The following CD8B2 variants were observed in gnomAD, a reference collection of about 807,000 sequenced individuals.
CD8B2 encodes CD8B family member 2.
Under a neutral mutation model 23.7 loss-of-function variants are expected in CD8B2, and 11 were observed. That is an observed-to-expected ratio of 0.46 (90% confidence interval 0.29 to 0.77). CD8B2 has a LOEUF of 0.77. Ranked by LOEUF, CD8B2 falls within the 30% of genes least tolerant of loss-of-function variation. The pLI, the probability that CD8B2 is intolerant of heterozygous loss-of-function variation, is 0.09. For synonymous variants in CD8B2, 90 were observed against 109.3 expected, an observed-to-expected ratio of 0.82 and a Z score of 1.10; for missense variants, 197 against 270.5, an observed-to-expected ratio of 0.73 and a Z score of 1.91.
intron 5 of CD8B2, among the ~76,000 whole-genome samples, chr2:106,529,502 G>C (rs950983946): frequency 6.6e-6 from 1 of 152,192 alleles, no homozygotes; most frequent in African/African-American, 2.4e-5. Flanking sequence ...GGATGTCTTT[G>C]ATGTCCAGAT....
Position 106,489,768 on chromosome 2 carries a change from C to CT in CD8B2, c.44-1100dup, listed in dbSNP as rs528532700. Among the ~76,000 whole-genome samples the CT allele has an allele frequency of 6.6e-5, 10 of 152,238 alleles. No homozygotes were observed. In the East Asian group the frequency reaches 1.9e-3, roughly 29 times the overall value. Reference sequence around the variant, plus strand: ...ACATGGCCATACAGTTTGCAGTGTGCTTTTTTGGACAGCATTTCATTTATT... The same window carrying CT: ...ACATGGCCATACAGTTTGCAGTGTGCTTTTTTTGGACAGCATTTCATTTATT... On this transcript the variant is annotated intron_variant, in intron 1 of 5. Transcript: ENST00000643224.
rs878867212 is a variant in CD8B2, at chr2:106,504,380, C to T, written c.620+55C>T. The T allele has an allele frequency of 1.8e-5, 28 of 1,553,512 alleles. No individual in the cohort carries two copies. In the South Asian group the frequency reaches 3.0e-4, roughly 16 times the overall value. Reference sequence around the variant, plus strand: ...GTTCCTCAGCCCCTGCTGCAGCTTGCAGCCTCTAACTGCGGCGAGGAGCCA... The same window carrying T: ...GTTCCTCAGCCCCTGCTGCAGCTTGTAGCCTCTAACTGCGGCGAGGAGCCA... On this transcript the variant is annotated intron_variant, in intron 5 of 5. Coordinates refer to ENST00000643224, the MANE Select transcript of CD8B2 (RefSeq NM_001349727.2).
Position 106,504,343 on chromosome 2 carries a change from G to T in CD8B2, c.620+18G>T, listed in dbSNP as rs1364127750. The stretch of plus-strand genomic sequence containing the variant: ...ATGAAACAGTAAGTGTATAACCTGG[G>T]TGTGGCCTTGGGTTCCTCAGCCCCT... On this transcript the variant is annotated intron_variant, in intron 5 of 5. Transcript: ENST00000643224. 17 of 1,555,774 alleles carry T rather than the reference G, an allele frequency of 1.1e-5. No homozygotes were observed. The highest frequency in any genetic ancestry group is 1.4e-5 in the Non-Finnish European group (16 of 1,149,250).
intron 2 of CD8B2, among the ~76,000 whole-genome samples, chr2:106,495,464 G>A (rs1197529244): frequency 2.6e-5 from 4 of 152,146 alleles, no homozygotes; most frequent in Admixed American, 6.5e-5. Context: ...GCTTGAACCC[G>A]GGAGGCAAAG....
intron 5 of CD8B2, among the ~76,000 whole-genome samples, chr2:106,539,330 G>A (rs764515309): frequency 6.6e-6 from 1 of 152,202 alleles, no homozygotes; most frequent in Non-Finnish European, 1.5e-5. Context: ...GGATGAATAA[G>A]TGAGTTCAAG....
downstream of CD8B2, among the ~76,000 whole-genome samples, chr2:106,513,292 C>A (rs989339247): frequency 6.6e-6 from 1 of 151,974 alleles, no homozygotes; most frequent in East Asian, 1.9e-4. Flanking sequence ...CCTAACCCCA[C>A]GGGCTTTCAT....
downstream of CD8B2, among the ~76,000 whole-genome samples, chr2:106,512,751 G>T (rs1418051101): frequency 6.6e-6 from 1 of 152,142 alleles, no homozygotes; most frequent in Non-Finnish European, 1.5e-5. Flanking sequence ...AATCCCTTAA[G>T]TTTCTTGATG....
intron 5 of CD8B2, chr2:106,522,031 G>A (rs1016480657): frequency 2.0e-5 from 3 of 152,182 alleles, no homozygotes; most frequent in Non-Finnish European, 4.4e-5. Context: ...GAAACATGAA[G>A]TCCGCAGCTG....
intron 3 of CD8B2, among the ~76,000 whole-genome samples, chr2:106,502,150 G>A (rs1679419322): frequency 6.6e-6 from 1 of 151,868 alleles, no homozygotes; most frequent in Non-Finnish European, 1.5e-5. Flanking sequence ...ACAAAAATTA[G>A]CCAGGCATGG....
chr2:106,519,789 A>G (rs545644501), intron 5 of CD8B2, among the ~76,000 whole-genome samples: 158 of 152,320 alleles, frequency 1.0e-3, no homozygotes, highest in Non-Finnish European at 6.3e-4. Context: ...GCTAAAAAAG[A>G]AAAAAATTGC....
intron 5 of CD8B2, among the ~76,000 whole-genome samples, chr2:106,516,623 C>T (rs1679733323): frequency 1.3e-5 from 2 of 152,118 alleles, no homozygotes; most frequent in Admixed American, 1.3e-4. Context: ...TTCTCTGACA[C>T]CATTATCGCC....
intron 5 of CD8B2, among the ~76,000 whole-genome samples, chr2:106,527,147 G>T (rs894355372): frequency 3.9e-5 from 6 of 152,140 alleles, no homozygotes; most frequent in African/African-American, 1.4e-4. Context: ...TTGAGGAACT[G>T]CTGGACTATT....
At chr2:106,538,364 G>A (rs982845576) in intron 5 of CD8B2, among the ~76,000 whole-genome samples, 28 of 152,144 alleles carry the variant, frequency 1.8e-4, no homozygotes, top group African/African-American at 6.3e-4. Flanking sequence ...CTTTTTGCTT[G>A]AAACGGTACA....
At chr2:106,520,417 C>T (rs1437571400) in intron 5 of CD8B2, among the ~76,000 whole-genome samples, 4 of 152,042 alleles carry the variant, frequency 2.6e-5, no homozygotes, top group Non-Finnish European at 2.9e-5. Flanking sequence ...CATTGAGGCT[C>T]GGGGACCAGA....
At chr2:106,505,643 CT>C (rs1171698207) in intron 5 of CD8B2, among the ~76,000 whole-genome samples, 1 of 152,202 alleles carries the variant, frequency 6.6e-6, no homozygotes, top group African/African-American at 2.4e-5. Context: ...ATTCATATTA[CT>C]ATATGCTCTG....
rs1422681255 is a variant in CD8B2 at position 106,509,366 on chromosome 2, C to T, written c.*2426C>T. 1.3e-5 allele frequency: 2 copies of T among 152,160 alleles called. No homozygotes were observed. Among genetic ancestry groups the T allele is most frequent in the Non-Finnish European group, 2.9e-5 (2 of 68,040 alleles). The allele number at this position is 152,160 out of a possible 1,614,324, so 9.4% of individuals were successfully genotyped here. On this transcript the variant is annotated 3_prime_UTR_variant, in exon 6 of 6. Coordinates refer to ENST00000643224, the MANE Select transcript of CD8B2 (RefSeq NM_001349727.2). The stretch of plus-strand genomic sequence containing the variant: ...GTTCGTGTTTCAGGTGGGCCCCTCA[C>T]CCGGCCCATCACAAACAAATAAGAG...
chr2:106,532,865 T>G (rs1680009162), intron 5 of CD8B2, among the ~76,000 whole-genome samples: 1 of 152,192 alleles, frequency 6.6e-6, no homozygotes, highest in Non-Finnish European at 1.5e-5. Flanking sequence ...TGACCTCCTA[T>G]CTCATTCTTT....
chr2:106,540,347 G>A (rs1680152726), intron 5 of CD8B2, among the ~76,000 whole-genome samples: 1 of 152,102 alleles, frequency 6.6e-6, no homozygotes. Context: ...GCAAAGAAAT[G>A]ACAATTAGCC....
rs574806543 is a variant in CD8B2 at position 106,530,755 on chromosome 2, C to T, written c.621-13237C>T. ...TGGGAGGTTGGCACAAGACACAGGT[C>T]ATAAAGACCTTGCTGATAAAACAGG... On this transcript the variant is annotated intron_variant, in intron 5 of 5. Transcript: ENST00000416057. 5.9e-5 allele frequency among the ~76,000 whole-genome samples: 9 copies of T among 152,264 alleles called. No individual in the cohort carries two copies. In the East Asian group the frequency reaches 1.7e-3, roughly 29 times the overall value.
Sources: gnomAD v4.1 joint callset for allele counts (sites outside exome capture counted in the v4.1 genomes callset) on GRCh38, gnomAD v4.1.1 for gene constraint, MANE v1.5 for transcripts, NCBI Gene and HGNC (gene_info 2026-07-23, HGNC 2026-07-21) for gene names.